The following SERPINA6 variants were observed in gnomAD, a reference collection of about 807,000 sequenced individuals.
The protein encoded by SERPINA6 is corticosteroid-binding globulin.
A neutral mutation model predicts 26.4 loss-of-function variants in SERPINA6; 19 were observed. That is an observed-to-expected ratio of 0.72 (90% CI 0.50 to 1.06). The LOEUF (loss-of-function observed/expected upper bound fraction) is 1.06. Among genes scored for constraint, SERPINA6 ranks in the 50% least tolerant of loss-of-function variants. The pLI, the probability that SERPINA6 is intolerant of heterozygous loss-of-function variation, is 0.00. For missense variants in SERPINA6, 473 were observed against 504.0 expected, an observed-to-expected ratio of 0.94 and a Z score of 0.59; for synonymous variants, 196 against 199.4, an observed-to-expected ratio of 0.98 and a Z score of 0.14.
At chr14:94,320,561 T>C (rs1443767005) in intron 1 of SERPINA6, among the ~76,000 whole-genome samples, 1 of 152,210 alleles carries the variant, frequency 6.6e-6, no homozygotes, top group Non-Finnish European at 1.5e-5. Context: ...GTGTGATTCA[T>C]GAATTGTTTC....
chr14:94,306,067 T>C lies in SERPINA6; in HGVS notation c.1032+4A>G. 7 of 1,614,178 alleles carry C rather than the reference T, an allele frequency of 4.3e-6. No homozygotes were observed. Among genetic ancestry groups the C allele is most frequent in the Non-Finnish European group, 2.5e-6 (3 of 1,180,022 alleles). On this transcript the variant is annotated splice_donor_region_variant and intron_variant, in intron 4 of 4. Transcript: ENST00000341584. ...AAGAAAAGGTGGGTTCCCATGACAT[T>C]TACCTTTGATGACTTCAGCTGGGCG...
chr14:94,304,305 G>A lies in SERPINA6; in HGVS notation c.*113C>T. On this transcript the variant is annotated 3_prime_UTR_variant, in exon 5 of 5. Transcript: ENST00000341584. ...CTAAAGTTAGACACAACTCTGGTTG[G>A]AGGGAGAAGAACTTGGAGGAGATTG... is the stretch of plus-strand genomic sequence containing the variant. The A allele has an allele frequency of 9.8e-7, 1 of 1,024,396 alleles. No homozygotes were observed. The highest frequency in any genetic ancestry group is 1.6e-6 in the Non-Finnish European group (1 of 645,140). The allele number at this position is 1,024,396 out of a possible 1,614,324, so 63.5% of individuals were successfully genotyped here.
At chr14:94,318,668 A>G (rs1895643801) in intron 1 of SERPINA6, among the ~76,000 whole-genome samples, 1 of 152,214 alleles carries the variant, frequency 6.6e-6, no homozygotes, top group Admixed American at 6.5e-5. Flanking sequence ...AATTCAAAAT[A>G]GATCAATGAC....
At chr14:94,317,456 G>A (rs12590834) in intron 1 of SERPINA6, among the ~76,000 whole-genome samples, 16,797 of 152,198 alleles carry the variant, frequency 0.11, 1,206 homozygotes, top group South Asian at 0.24. Context: ...CCTTTGCAGC[G>A]GGGAGGAGCT....
chr14:94,313,961 G>T, intron 2 of SERPINA6, 75 bp downstream of exon 2: 1 of 1,528,354 alleles, frequency 6.5e-7, no homozygotes, highest in Non-Finnish European at 9.1e-7. Context: ...TTGCCCAAGA[G>T]TGTGCCCTGG....
chr14:94,306,636 T>C (rs1895445461), intron 3 of SERPINA6, among the ~76,000 whole-genome samples: 6 of 152,210 alleles, frequency 3.9e-5, no homozygotes. Context: ...CCACTAATGC[T>C]GTGTGGCCTT....
chr14:94,310,236 T>C (rs940461255), intron 2 of SERPINA6, among the ~76,000 whole-genome samples: 1 of 152,216 alleles, frequency 6.6e-6, no homozygotes, highest in African/African-American at 2.4e-5. Context: ...TGAGACTGGC[T>C]TCTAAACAAG....
chr14:94,308,017 CACA>C (rs1895467077), intron 3 of SERPINA6, among the ~76,000 whole-genome samples: 1 of 152,138 alleles, frequency 6.6e-6, no homozygotes, highest in Non-Finnish European at 1.5e-5. Flanking sequence ...ATTTTTAGAC[CACA>C]ACATTTGTCC....
chr14:94,318,684 G>A (rs548536160), intron 1 of SERPINA6, among the ~76,000 whole-genome samples: 1 of 152,078 alleles, frequency 6.6e-6, no homozygotes, highest in East Asian at 1.9e-4. Context: ...ATGACCTAAA[G>A]ATGAGTTAAA....
At chr14:94,312,719 C>G (rs749094871) in intron 2 of SERPINA6, among the ~76,000 whole-genome samples, 20 of 152,148 alleles carry the variant, frequency 1.3e-4, no homozygotes, top group Non-Finnish European at 2.9e-5. Flanking sequence ...GCAGGAAAGA[C>G]CCAGAGGCAG....
intron 4 of SERPINA6, among the ~76,000 whole-genome samples, chr14:94,305,202 A>T (rs1256188861): frequency 6.6e-6 from 1 of 152,186 alleles, no homozygotes; most frequent in Non-Finnish European, 1.5e-5. Context: ...GGGAACTTCC[A>T]GCGACTCTTT....
chr14:94,316,121 T>A (rs988297324), intron 1 of SERPINA6, among the ~76,000 whole-genome samples: 9 of 152,360 alleles, frequency 5.9e-5, no homozygotes, highest in South Asian at 2.1e-4. Context: ...TCTTTTTTGA[T>A]CCTCTGGTTG....
chr14:94,317,708 C>T lies in SERPINA6; in HGVS notation c.-19-3041G>A, dbSNP rs59279089. The stretch of plus-strand genomic sequence containing the variant: ...AAAATTAGTAATAGAAGAAAACTAC[C>T]TCAACATAATCAAGACTACGTATTT... On this transcript the variant is annotated intron_variant, in intron 1 of 4. Coordinates refer to ENST00000341584, the MANE Select transcript of SERPINA6 (RefSeq NM_001756.4). 5.8e-3 allele frequency among the ~76,000 whole-genome samples: 884 copies of T among 152,250 alleles called. 7 individuals carry two copies. The highest frequency in any genetic ancestry group is 0.021 in the African/African-American group (859 of 41,556).
chr14:94,320,958 T>G (rs894103451), intron 1 of SERPINA6, among the ~76,000 whole-genome samples: 1 of 152,114 alleles, frequency 6.6e-6, no homozygotes, highest in Non-Finnish European at 1.5e-5. Context: ...TCGCGACAAT[T>G]CTTTTGTCGC....
chr14:94,317,868 A>G (rs898064822), intron 1 of SERPINA6, among the ~76,000 whole-genome samples: 1 of 152,242 alleles, frequency 6.6e-6, no homozygotes, highest in Non-Finnish European at 1.5e-5. Flanking sequence ...TTGGGCAAGG[A>G]AAGAAAAGGT....
rs1454022162 is a variant in SERPINA6, at chr14:94,304,507, AGAT to A, written c.1126_1128del (p.Ile376del). 2.5e-6 allele frequency: 4 copies of A among 1,614,040 alleles called. No homozygotes were observed. Among genetic ancestry groups the A allele is most frequent in the African/African-American group, 2.7e-5 (2 of 74,906 alleles). ...ATGATGAAGGGCTGGTTGAAACGCA[AGAT>A]GATAGGCTTGGACGTCAGGTTTAGG... On this transcript the variant is annotated inframe_deletion, in exon 5 of 5. Transcript: ENST00000341584.
chr14:94,309,269 T>G (rs1305243983), intron 3 of SERPINA6, among the ~76,000 whole-genome samples: 2 of 151,964 alleles, frequency 1.3e-5, no homozygotes, highest in Non-Finnish European at 2.9e-5. Flanking sequence ...CCTGAGTAAC[T>G]TAAGAACCAT....
At chr14:94,312,139 C>T (rs1162880608) in intron 2 of SERPINA6, among the ~76,000 whole-genome samples, 1 of 152,162 alleles carries the variant, frequency 6.6e-6, no homozygotes, top group Non-Finnish European at 1.5e-5. Context: ...TATAGAAAAT[C>T]TGTGTACAAT....
intron 3 of SERPINA6, among the ~76,000 whole-genome samples, chr14:94,307,064 G>T (rs1385674298): frequency 6.6e-6 from 1 of 152,146 alleles, no homozygotes; most frequent in Admixed American, 6.5e-5. Context: ...CCTGCGTGAA[G>T]TGGAAGCCGC....
Sources: allele counts gnomAD v4.1 joint callset (sites outside exome capture counted in the v4.1 genomes callset), GRCh38; gene constraint gnomAD v4.1.1; transcripts MANE v1.5; gene names NCBI Gene and HGNC (gene_info 2026-07-23, HGNC 2026-07-21).